Variants in ARID5B observed in about 807,000 individuals in gnomAD.
The protein encoded by ARID5B is AT-rich interactive domain-containing protein 5B.
In ARID5B, 13 loss-of-function variants were observed where a neutral mutation model predicts 97.2. The ratio of observed to expected loss-of-function variants is 0.13; its 90% confidence interval spans 0.09 to 0.21. ARID5B has a LOEUF of 0.21. Among genes scored for constraint, ARID5B ranks in the 10% least tolerant of loss-of-function variants. The pLI is 1.00. For missense variants in ARID5B, 1,210 were observed against 1,465.3 expected (o/e 0.83, Z 2.84); for synonymous variants, 556 against 570.3 (o/e 0.97, Z 0.36).
chr10:62,017,052 A>G lies in ARID5B; in HGVS notation c.733+16731A>G, dbSNP rs552993380. On this transcript the variant is annotated intron_variant, in intron 4 of 9. Transcript: ENST00000279873. ...TATTACAATTTTAAACTTCCTCAAA[A>G]CAAAAACAGGACACCACGTAAGGGG... is the stretch of plus-strand genomic sequence containing the variant. Among the ~76,000 whole-genome samples, 52 of 152,336 alleles carry G rather than the reference A, an allele frequency of 3.4e-4. No homozygotes were observed. In the South Asian group the frequency reaches 0.01, roughly 30 times the overall value.
chr10:61,943,720 T>G (rs1434665552), intron 3 of ARID5B, among the ~76,000 whole-genome samples: 1 of 152,080 alleles, frequency 6.6e-6, no homozygotes, highest in African/African-American at 2.4e-5. Flanking sequence ...TTTGTGTCAC[T>G]TCCTGTCTCT....
chr10:62,069,252 G>A (rs1016424495), intron 7 of ARID5B, among the ~76,000 whole-genome samples: 19 of 152,322 alleles, frequency 1.2e-4, no homozygotes, highest in African/African-American at 3.8e-4. Flanking sequence ...TTTGGTAAAA[G>A]ACTCTTTTTT....
At chr10:62,027,177 C>T (rs974480249) in intron 4 of ARID5B, among the ~76,000 whole-genome samples, 3 of 151,902 alleles carry the variant, frequency 2.0e-5, no homozygotes, top group Non-Finnish European at 4.4e-5. Context: ...TCTGTCAAGC[C>T]CCATCTGGCC....
At chr10:61,901,825 C>G in intron 1 of ARID5B, 95 bp downstream of exon 1, 1 of 1,027,024 alleles carries the variant, frequency 9.7e-7, no homozygotes, top group Non-Finnish European at 1.5e-6. Flanking sequence ...CCACACCCCC[C>G]ACAAACTTTT....
intron 4 of ARID5B, among the ~76,000 whole-genome samples, chr10:62,015,287 G>A (rs1027535294): frequency 1.3e-5 from 2 of 152,148 alleles, no homozygotes; most frequent in Non-Finnish European, 2.9e-5. Context: ...TACTTAGGTA[G>A]GGATTGTTAC....
intron 3 of ARID5B, among the ~76,000 whole-genome samples, chr10:61,954,875 G>T (rs564460380): frequency 6.6e-6 from 1 of 152,096 alleles, no homozygotes; most frequent in Non-Finnish European, 1.5e-5. Flanking sequence ...GCATGGTGGT[G>T]CATGCCTGTA....
chr10:61,942,835 G>C (rs1158053870), intron 3 of ARID5B, among the ~76,000 whole-genome samples: 1 of 152,108 alleles, frequency 6.6e-6, no homozygotes, highest in Non-Finnish European at 1.5e-5. Context: ...CTTTTAGGTT[G>C]AGTCTGATTT....
chr10:62,038,983 G>C (rs999504243), intron 4 of ARID5B, among the ~76,000 whole-genome samples: 3 of 152,232 alleles, frequency 2.0e-5, no homozygotes, highest in Non-Finnish European at 4.4e-5. Flanking sequence ...AGCGAATAAT[G>C]ATCCAAATAA....
chr10:61,964,209 G>A (rs536837421), intron 3 of ARID5B, among the ~76,000 whole-genome samples: 25 of 152,258 alleles, frequency 1.6e-4, no homozygotes, highest in African/African-American at 6.0e-4. Context: ...ACCCTTCAGT[G>A]TCTGGACTAT....
intron 4 of ARID5B, among the ~76,000 whole-genome samples, chr10:62,033,980 C>T (rs1839529609): frequency 6.6e-6 from 1 of 152,190 alleles, no homozygotes; most frequent in South Asian, 2.1e-4. Context: ...AGCAATTTTG[C>T]CAACTTCACC....
At chr10:61,906,941 C>G (rs1271208733) in intron 2 of ARID5B, among the ~76,000 whole-genome samples, 1 of 152,018 alleles carries the variant, frequency 6.6e-6, no homozygotes, top group East Asian at 1.9e-4. Flanking sequence ...ATGCATATGC[C>G]CAAAGTTGAC....
chr10:61,912,502 G>T (rs1843822722), intron 2 of ARID5B, among the ~76,000 whole-genome samples: 1 of 151,932 alleles, frequency 6.6e-6, no homozygotes, highest in Non-Finnish European at 1.5e-5. Context: ...TGATATATAT[G>T]TACATCAAAT....
chr10:62,027,466 G>A (rs1046228242), intron 4 of ARID5B, among the ~76,000 whole-genome samples: 3 of 151,062 alleles, frequency 2.0e-5, no homozygotes, highest in Admixed American at 1.3e-4. Flanking sequence ...CCACCACCAT[G>A]CCTGGCTAAT....
intron 4 of ARID5B, among the ~76,000 whole-genome samples, chr10:62,019,783 T>C (rs921695769): frequency 6.6e-6 from 1 of 152,196 alleles, no homozygotes; most frequent in South Asian, 2.1e-4. Context: ...ACACTTTTAG[T>C]CTCTTTCCTG....
In ARID5B at chr10:62,000,452, A is replaced by AT; in HGVS notation, c.733+132dup. The AT allele has an allele frequency of 1.4e-6, 1 of 734,558 alleles. No individual in the cohort carries two copies. Among genetic ancestry groups the AT allele is most frequent in the Non-Finnish European group, 2.1e-6 (1 of 483,296 alleles). 45.5% of individuals were successfully genotyped at this position (734,558 alleles called of 1,614,324 possible). On this transcript the variant is annotated intron_variant, in intron 4 of 9. Coordinates refer to ENST00000279873, the MANE Select transcript of ARID5B (RefSeq NM_032199.3). This position sits in a 1 kb window ranked among gnomAD's most constrained non-coding sequence, Gnocchi z 4.4. ...CCCCATGTGCTGCCCCACCCCTCCC[A>AT]TCCCCCAAATTATTGCGGCATAAGG...
chr10:62,018,873 C>A (rs1033283248), intron 4 of ARID5B, among the ~76,000 whole-genome samples: 5 of 152,162 alleles, frequency 3.3e-5, no homozygotes, highest in Non-Finnish European at 7.3e-5. Context: ...CATACCACAT[C>A]TCCAGGTTCT....
At chr10:62,065,697 T>C (rs1159089303) in intron 7 of ARID5B, among the ~76,000 whole-genome samples, 1 of 151,558 alleles carries the variant, frequency 6.6e-6, no homozygotes, top group Non-Finnish European at 1.5e-5. Flanking sequence ...TACAAAAAAA[T>C]TAGCCAGGCA....
rs202022815 is a variant in ARID5B at position 62,000,222 on chromosome 10, G to A, written c.634G>A (p.Gly212Ser). 5.3e-5 allele frequency: 85 copies of A among 1,613,968 alleles called. No individual in the cohort carries two copies. Among genetic ancestry groups the A allele is most frequent in the Non-Finnish European group, 6.8e-5 (80 of 1,179,920 alleles). ...LTDQFALALGGIAVVSRNPQI... is the reference protein window; with the variant it reads ...LTDQFALALGSIAVVSRNPQI... The stretch of plus-strand genomic sequence containing the variant: ...GGACCAGTTTGCATTGGCCCTGGGG[G>A]GCATTGCAGTGGTCAGCAGGAACCC... Residue 212 changes from glycine to serine, a missense_variant, in exon 4 of 10, where the codon GGC (glycine) becomes AGC (serine). By Grantham distance (56) the Gly-to-Ser change is moderately conservative. Around this residue, in one of 8 missense-constraint regions of ARID5B, gnomAD observed 132 missense variants for 156.7 expected, o/e 0.84. Coordinates refer to ENST00000279873, the MANE Select transcript of ARID5B (RefSeq NM_032199.3). This position sits in a 1 kb window ranked among gnomAD's most constrained non-coding sequence, Gnocchi z 4.4.
intron 5 of ARID5B, among the ~76,000 whole-genome samples, chr10:62,051,353 A>G (rs1186853100): frequency 2.0e-5 from 3 of 152,236 alleles, no homozygotes; most frequent in Middle Eastern, 3.2e-3. Flanking sequence ...AAAATAGACC[A>G]GCTGAACCGT....
Sources: allele counts gnomAD v4.1 joint callset (sites outside exome capture counted in the v4.1 genomes callset), GRCh38; gene constraint gnomAD v4.1.1; regional missense constraint gnomAD v4.1.1; non-coding constraint Gnocchi (gnomAD v3.1); transcripts MANE v1.5; gene names NCBI Gene and HGNC (gene_info 2026-07-23, HGNC 2026-07-21).